The following MGAT4D variants were observed in gnomAD, a reference collection of about 807,000 sequenced individuals.
MGAT4D encodes the protein MGAT4 family member D.
A neutral mutation model predicts 15.9 loss-of-function variants in MGAT4D; 34 were observed. The observed-to-expected ratio is 2.14, with a 90% CI of 1.62 to 2.84. MGAT4D has a LOEUF of 2.84. Ranked by LOEUF, MGAT4D falls within the 30% of genes most tolerant of loss-of-function variation. The pLI, the probability that MGAT4D is intolerant of heterozygous loss-of-function variation, is 0.00. For missense variants in MGAT4D, 327 were observed against 140.2 expected, an observed-to-expected ratio of 2.33 and a Z score of -6.73; for synonymous variants, 112 against 48.2, an observed-to-expected ratio of 2.33 and a Z score of -5.49.
At chr4:140,460,747 C>T (rs780373271) in intron 7 of MGAT4D, among the ~76,000 whole-genome samples, 1 of 152,034 alleles carries the variant, frequency 6.6e-6, no homozygotes, top group East Asian at 1.9e-4. Flanking sequence ...CAGTGAGCCG[C>T]GATTGTGCCA....
rs1231708095 is a variant in MGAT4D at position 140,456,612 on chromosome 4, C to G, written c.985G>C (p.Val329Leu). The change falls in exon 9 of 11, where the codon GTG (valine) becomes CTG (leucine). Residue 329 changes from valine (V) to leucine (L), a missense_variant. Coordinates refer to ENST00000511113, the MANE Select transcript of MGAT4D (RefSeq NM_001277353.2). ...WLLNDIFQVK[V>L]CDAGEDLRNC... is the part of the protein sequence containing the mutation. ...ACAAGATCTTCTCCTGCGTCACACA[C>G]CTTTACCTGAAAAATGTCATTCAAG... 1.4e-6 allele frequency: 1 copy of G among 690,978 alleles called. No homozygotes were observed. Among genetic ancestry groups the G allele is most frequent in the Non-Finnish European group, 2.6e-6 (1 of 379,460 alleles). The allele number at this position is 690,978 out of a possible 1,614,324, so 42.8% of individuals were successfully genotyped here.
At chr4:140,460,700 T>C (rs1177247557) in intron 7 of MGAT4D, among the ~76,000 whole-genome samples, 1 of 152,088 alleles carries the variant, frequency 6.6e-6, no homozygotes, top group Non-Finnish European at 1.5e-5. Flanking sequence ...AGTCGGGTGT[T>C]GTGGTGTGCA....
At chr4:140,478,140 G>A (rs893172249) in intron 3 of MGAT4D, among the ~76,000 whole-genome samples, 6 of 152,164 alleles carry the variant, frequency 3.9e-5, no homozygotes, top group South Asian at 4.1e-4. Flanking sequence ...GGATAAATAC[G>A]TACACCATGA....
chr4:140,485,841 A>AAAAAAAAAAAAAAAAAAAAAAAAC (rs1733084664), intron 1 of MGAT4D, among the ~76,000 whole-genome samples: 1 of 138,696 alleles, frequency 7.2e-6, no homozygotes, highest in Non-Finnish European at 1.6e-5. Context: ...AAAAAAAAAA[A>AAAAAAAAAAAAAAAAAAAAAAAAC]AAAAAAAGCA....
chr4:140,470,322 C>A (rs917590457), intron 5 of MGAT4D, among the ~76,000 whole-genome samples: 1 of 152,212 alleles, frequency 6.6e-6, no homozygotes, highest in South Asian at 2.1e-4. Context: ...CGGTGATTCT[C>A]CAATTTCATT....
chr4:140,470,329 C>T (rs1731841177), intron 5 of MGAT4D, among the ~76,000 whole-genome samples: 1 of 152,256 alleles, frequency 6.6e-6, no homozygotes, highest in African/African-American at 2.4e-5. Context: ...TCTCCAATTT[C>T]ATTCATTCTA....
chr4:140,459,590 T>C lies in MGAT4D; in HGVS notation c.799A>G (p.Thr267Ala). 1 of 530,258 alleles carries C rather than the reference T, an allele frequency of 1.9e-6. No homozygotes were observed. Among genetic ancestry groups the C allele is most frequent in the Non-Finnish European group, 3.3e-6 (1 of 300,244 alleles). The allele number at this position is 530,258 out of a possible 1,614,324, so 32.8% of individuals were successfully genotyped here. Residue 267 changes from threonine (T) to alanine (A), a missense_variant, in exon 8 of 11, where the codon ACA (threonine) becomes GCA (alanine). Physicochemically the swap from Thr to Ala is moderately conservative, Grantham distance 58 (BLOSUM62 0). Coordinates refer to ENST00000511113, the MANE Select transcript of MGAT4D (RefSeq NM_001277353.2). ...DDIIAKEMYF[T>A]KITDFVGNIS... ...TTACCTACAAAATCTGTTATTTTTG[T>C]AAAGTACATCTCTTTAGCTATGATA...
At chr4:140,492,184 T>G (rs1733546252) in intron 1 of MGAT4D, among the ~76,000 whole-genome samples, 1 of 152,110 alleles carries the variant, frequency 6.6e-6, no homozygotes, top group Admixed American at 6.5e-5. Context: ...GACCACAATG[T>G]TGTGAGAAAC....
chr4:140,454,824 C>T (rs1730693693), intron 9 of MGAT4D, among the ~76,000 whole-genome samples: 1 of 152,062 alleles, frequency 6.6e-6, no homozygotes, highest in South Asian at 2.1e-4. Context: ...GTTTTGATAG[C>T]TTACAATTTT....
At chr4:140,446,235 T>C (rs1394737302) in intron 10 of MGAT4D, among the ~76,000 whole-genome samples, 3 of 152,132 alleles carry the variant, frequency 2.0e-5, no homozygotes, top group Admixed American at 6.6e-5. Context: ...ATAGTTTCTG[T>C]GGGAATGGTA....
chr4:140,489,623 T>C (rs985871686), intron 1 of MGAT4D, among the ~76,000 whole-genome samples: 26 of 152,242 alleles, frequency 1.7e-4, no homozygotes, highest in African/African-American at 6.0e-4. Context: ...TAAATAAAAC[T>C]CTGTACTTGC....
chr4:140,461,638 A>G (rs1037640414), intron 7 of MGAT4D, among the ~76,000 whole-genome samples: 2 of 152,016 alleles, frequency 1.3e-5, no homozygotes, highest in African/African-American at 4.8e-5. Context: ...CGTTTTTTTG[A>G]GATTTTCTTT....
intron 10 of MGAT4D, among the ~76,000 whole-genome samples, chr4:140,443,772 ATTTAT>A (rs1729918944): frequency 6.6e-6 from 1 of 152,120 alleles, no homozygotes; most frequent in Non-Finnish European, 1.5e-5. Context: ...AGTTTAAAAC[ATTTAT>A]TTTATTTGAT....
At position 140,482,503 on chromosome 4, in the gene MGAT4D, G is replaced by A. The variant is rs1454272954; in HGVS notation, c.95-18C>T. 3.3e-6 allele frequency: 2 copies of A among 601,466 alleles called. No individual in the cohort carries two copies. The highest frequency in any genetic ancestry group is 3.8e-5 in the African/African-American group (2 of 52,670). 37.3% of individuals were successfully genotyped at this position (601,466 alleles called of 1,614,324 possible). Reference sequence around the variant, plus strand: ...TTGATTATCTGCAATGAAAACATATGTATATATTTGTACATGTAGCAATGG... The same window carrying A: ...TTGATTATCTGCAATGAAAACATATATATATATTTGTACATGTAGCAATGG... On this transcript the variant is annotated intron_variant, in intron 1 of 10. Transcript: ENST00000511113.
chr4:140,484,118 T>C (rs1560796402), intron 1 of MGAT4D, among the ~76,000 whole-genome samples: 1 of 152,170 alleles, frequency 6.6e-6, no homozygotes, highest in Non-Finnish European at 1.5e-5. Flanking sequence ...ATCTATGGGT[T>C]AAAATTTGTC....
At chr4:140,496,624 C>A (rs113323443) in intron 1 of MGAT4D, among the ~76,000 whole-genome samples, 291 of 152,264 alleles carry the variant, frequency 1.9e-3, no homozygotes, top group African/African-American at 6.5e-3. Flanking sequence ...GGGTGGATCA[C>A]CTGAGGGCAG....
At chr4:140,467,556 C>G (rs566717230) in intron 5 of MGAT4D, among the ~76,000 whole-genome samples, 12 of 152,196 alleles carry the variant, frequency 7.9e-5, no homozygotes, top group African/African-American at 2.4e-4. Context: ...AGATTCCAGT[C>G]TTGGTTTTAT....
chr4:140,465,901 T>C (rs1456658214), intron 5 of MGAT4D, among the ~76,000 whole-genome samples: 4 of 152,174 alleles, frequency 2.6e-5, no homozygotes, highest in East Asian at 3.9e-4. Flanking sequence ...TTGTGAACAA[T>C]TGTGTAAAGT....
Position 140,451,466 on chromosome 4 carries a change from G to C in MGAT4D, c.1060C>G (p.Leu354Val), listed in dbSNP as rs1045849452. 6.3e-6 allele frequency: 4 copies of C among 632,146 alleles called. No individual in the cohort carries two copies. The highest frequency in any genetic ancestry group is 1.8e-5 in the African/African-American group (1 of 55,312). 39.2% of individuals were successfully genotyped at this position (632,146 alleles called of 1,614,324 possible). A position where few individuals can be genotyped will look rare whatever the true frequency, so the allele number is the denominator to read the frequency against. The change falls in exon 10 of 11, where the codon CTT (leucine) becomes GTT (valine). Residue 354 changes from leucine to valine, a missense_variant. Physicochemically the swap from Leu to Val is conservative, Grantham distance 32. Coordinates refer to ENST00000511113, the MANE Select transcript of MGAT4D (RefSeq NM_001277353.2). ...KQIRIQYKPS[L>V]FQHVGIHSSF... ...GAATGTATACCCACATGCTGGAAAAGAGAAGGTTTATACTGAATACGTATT... is the reference window on the plus strand; with the variant it reads ...GAATGTATACCCACATGCTGGAAAACAGAAGGTTTATACTGAATACGTATT...
Sources: allele counts gnomAD v4.1 joint callset (sites outside exome capture counted in the v4.1 genomes callset), GRCh38; gene constraint gnomAD v4.1.1; transcripts MANE v1.5; gene names NCBI Gene and HGNC (gene_info 2026-07-23, HGNC 2026-07-21).